The following VTI1A variants were observed in gnomAD, a reference collection of about 807,000 sequenced individuals.
VTI1A encodes the protein vesicle transport through interaction with t-SNAREs 1A, also known as vesicle transport through interaction with t-SNAREs homolog 1A.
VTI1A carries 22 observed loss-of-function variants against 34.9 expected under a neutral mutation model. The ratio of observed to expected loss-of-function variants is 0.63; its 90% CI spans 0.45 to 0.90. The LOEUF (loss-of-function observed/expected upper bound fraction) is 0.90. Ranked by LOEUF, VTI1A falls within the 40% of genes least tolerant of loss-of-function variation. VTI1A has a pLI of 0.00. For synonymous variants in VTI1A, 87 were observed against 97.3 expected, an observed-to-expected ratio of 0.89 and a Z score of 0.62; for missense variants, 268 against 275.6, an observed-to-expected ratio of 0.97 and a Z score of 0.20.
intron 7 of VTI1A, among the ~76,000 whole-genome samples, chr10:112,713,021 A>C (rs1849480899): frequency 6.6e-6 from 1 of 152,080 alleles, no homozygotes; most frequent in Non-Finnish European, 1.5e-5. Context: ...CCAGTTCCTG[A>C]TATAGGACCC....
At chr10:112,668,844 G>T in intron 6 of VTI1A, 93 bp from the exon 7 acceptor site, 1 of 1,328,748 alleles carries the variant, frequency 7.5e-7, no homozygotes, top group Non-Finnish European at 1.1e-6. Context: ...TTATTGTTTG[G>T]ATTTTCTATC....
chr10:112,737,790 A>G (rs995221060), intron 7 of VTI1A: 5 of 1,059,790 alleles, frequency 4.7e-6, no homozygotes, highest in Non-Finnish European at 5.7e-6. Context: ...AAAAATTACA[A>G]ATTGATGATT....
At chr10:112,501,670 C>G (rs1033955617) in intron 3 of VTI1A, among the ~76,000 whole-genome samples, 16 of 149,234 alleles carry the variant, frequency 1.1e-4, no homozygotes, top group Non-Finnish European at 1.9e-4. Context: ...ACCCCCACCT[C>G]CCGCCCTCAG....
chr10:112,724,655 G>C (rs542931457), intron 7 of VTI1A, among the ~76,000 whole-genome samples: 23 of 151,888 alleles, frequency 1.5e-4, no homozygotes, highest in African/African-American at 2.2e-4. Context: ...CCCTCCCTCA[G>C]ACCCCAGAGC....
intron 5 of VTI1A, among the ~76,000 whole-genome samples, chr10:112,575,654 A>G (rs145715634): frequency 0.021 from 3,195 of 152,340 alleles, 55 homozygotes; most frequent in Middle Eastern, 0.071. Flanking sequence ...ACTAATTACA[A>G]AACAAAATTA....
chr10:112,480,420 T>C (rs1049091997), intron 3 of VTI1A, among the ~76,000 whole-genome samples: 2 of 152,184 alleles, frequency 1.3e-5, no homozygotes, highest in Non-Finnish European at 2.9e-5. Context: ...TCAGGGAGCT[T>C]GTTGCCTTAA....
intron 7 of VTI1A, among the ~76,000 whole-genome samples, chr10:112,683,550 G>A (rs1244945055): frequency 1.3e-5 from 2 of 152,184 alleles, no homozygotes; most frequent in South Asian, 4.1e-4. Flanking sequence ...TAAAAAAATT[G>A]TTTTTAATCC....
At chr10:112,804,761 C>A (rs1853007682) in intron 7 of VTI1A, among the ~76,000 whole-genome samples, 1 of 151,986 alleles carries the variant, frequency 6.6e-6, no homozygotes, top group Non-Finnish European at 1.5e-5. Flanking sequence ...GGACTTCAGC[C>A]AGACCTGCCA....
intron 7 of VTI1A, among the ~76,000 whole-genome samples, chr10:112,678,427 A>G (rs114767048): frequency 6.6e-6 from 1 of 152,266 alleles, no homozygotes; most frequent in African/African-American, 2.4e-5. Flanking sequence ...ACCATCACCA[A>G]ACAACATTTT....
chr10:112,480,460 C>A (rs1848423647), intron 3 of VTI1A, among the ~76,000 whole-genome samples: 4 of 152,130 alleles, frequency 2.6e-5, no homozygotes, highest in Admixed American at 2.0e-4. Context: ...AGCACAATTA[C>A]AGAGGTACAG....
At chr10:112,559,532 T>G (rs574471730) in intron 5 of VTI1A, among the ~76,000 whole-genome samples, 1 of 152,244 alleles carries the variant, frequency 6.6e-6, no homozygotes, top group Admixed American at 6.5e-5. Context: ...GCAGGCCTCC[T>G]TCCCACTTCA....
chr10:112,573,637 G>C (rs1852222232), intron 5 of VTI1A, among the ~76,000 whole-genome samples: 1 of 152,122 alleles, frequency 6.6e-6, no homozygotes, highest in Admixed American at 6.5e-5. Context: ...ACTGTCTATG[G>C]CTTTAGGAAA....
chr10:112,509,868 G>C (rs1417941166), intron 3 of VTI1A, among the ~76,000 whole-genome samples: 1 of 152,206 alleles, frequency 6.6e-6, no homozygotes. Context: ...GCTTCTTTGT[G>C]AAAGGTAAGG....
rs549527450 is a variant in VTI1A at position 112,604,084 on chromosome 10, G to C, written c.428-64134G>C. On this transcript the variant is annotated intron_variant, in intron 5 of 7. Transcript: ENST00000393077. The stretch of plus-strand genomic sequence containing the variant: ...GGTTTGAGGGTTAACACAGGGTGGG[G>C]ATACGAGTGACCCAGTAGACAGTGG... Among the ~76,000 whole-genome samples, 5 of 152,216 alleles carry C rather than the reference G, an allele frequency of 3.3e-5. No individual in the cohort carries two copies. In the South Asian group the frequency reaches 8.3e-4, roughly 25 times the overall value.
At chr10:112,795,593 C>T (rs947396858) in intron 7 of VTI1A, among the ~76,000 whole-genome samples, 4 of 151,938 alleles carry the variant, frequency 2.6e-5, no homozygotes, top group Non-Finnish European at 4.4e-5. Context: ...TGCCAGCGCA[C>T]CCAGCTAATT....
intron 3 of VTI1A, among the ~76,000 whole-genome samples, chr10:112,484,066 A>T (rs1848538005): frequency 6.6e-6 from 1 of 152,218 alleles, no homozygotes; most frequent in Non-Finnish European, 1.5e-5. Flanking sequence ...TTTGGTTCAT[A>T]ACCAACCTAC....
intron 7 of VTI1A, among the ~76,000 whole-genome samples, chr10:112,795,440 T>C (rs1367789461): frequency 6.6e-6 from 1 of 150,598 alleles, no homozygotes; most frequent in African/African-American, 2.4e-5. Flanking sequence ...TCTTTTTTTT[T>C]TTTTTTTTTT....
intron 5 of VTI1A, among the ~76,000 whole-genome samples, chr10:112,562,302 G>A (rs1043979404): frequency 6.6e-6 from 1 of 151,940 alleles, no homozygotes; most frequent in Non-Finnish European, 1.5e-5. Flanking sequence ...ATGTTTGTTC[G>A]AGAATTAAAG....
At chr10:112,475,222 G>C (rs1349933960) in intron 3 of VTI1A, among the ~76,000 whole-genome samples, 2 of 152,192 alleles carry the variant, frequency 1.3e-5, no homozygotes, top group East Asian at 3.8e-4. Context: ...TGACAACTTT[G>C]GGCTTGAAAC....
Sources: allele counts gnomAD v4.1 joint callset (sites outside exome capture counted in the v4.1 genomes callset), GRCh38; gene constraint gnomAD v4.1.1; transcripts MANE v1.5; gene names NCBI Gene and HGNC (gene_info 2026-07-23, HGNC 2026-07-21).